The following NR3C2 variants were observed in gnomAD, a reference collection of about 807,000 sequenced individuals.
The protein encoded by NR3C2 is nuclear receptor subfamily 3 group C member 2, also known as mineralocorticoid receptor.
Under a neutral mutation model 86.4 loss-of-function variants are expected in NR3C2, and 15 were observed. The ratio of observed to expected loss-of-function variants is 0.17; its 90% CI spans 0.12 to 0.27. NR3C2 has a LOEUF of 0.27. Ranked by LOEUF, NR3C2 falls within the 10% of genes least tolerant of loss-of-function variation. The pLI is 1.00. For missense variants in NR3C2, 960 were observed against 1,195.6 expected (o/e 0.80, Z 2.91); for synonymous variants, 458 against 450.5 (o/e 1.02, Z -0.21).
rs1553998173 is a variant in NR3C2, at chr4:148,221,909, A to AAG, written c.1898-27048_1898-27047insCT. ...ACTCTGTCTTAAAAAAAAAAAAAAA[A>AAG]AAAGAAAAAGTGCTACAATCTCAAT... is the stretch of plus-strand genomic sequence containing the variant. On this transcript the variant is annotated intron_variant, in intron 3 of 8. Coordinates refer to ENST00000358102, the MANE Select transcript of NR3C2 (RefSeq NM_000901.5). 8.6e-5 allele frequency among the ~76,000 whole-genome samples: 13 copies of AAG among 151,394 alleles called. No individual in the cohort carries two copies. In the East Asian group the frequency reaches 2.3e-3, roughly 27 times the overall value.
chr4:148,182,361 C>T (rs1252758001), intron 4 of NR3C2, among the ~76,000 whole-genome samples: 1 of 152,080 alleles, frequency 6.6e-6, no homozygotes, highest in East Asian at 1.9e-4. Flanking sequence ...AAAAAAATTA[C>T]AATGTACACA....
rs548924092 is a variant in NR3C2 at position 148,344,738 on chromosome 4, A to G, written c.1758-84621T>C. 8.5e-5 allele frequency among the ~76,000 whole-genome samples: 13 copies of G among 152,286 alleles called. No homozygotes were observed. In the South Asian group the frequency reaches 2.7e-3, roughly 32 times the overall value. Reference sequence around the variant, plus strand: ...GTTTTAGACATTCTAAAAATCAGACAATTACGTATGAATTATCTTGAGAAA... The same window carrying G: ...GTTTTAGACATTCTAAAAATCAGACGATTACGTATGAATTATCTTGAGAAA... On this transcript the variant is annotated intron_variant, in intron 2 of 8. Coordinates refer to ENST00000358102, the MANE Select transcript of NR3C2 (RefSeq NM_000901.5).
At chr4:148,438,937 A>G (rs745356927) in intron 1 of NR3C2, among the ~76,000 whole-genome samples, 8 of 152,246 alleles carry the variant, frequency 5.3e-5, no homozygotes, top group Non-Finnish European at 1.2e-4. Flanking sequence ...AAATCTACCA[A>G]TTATGTAGTA....
chr4:148,171,266 C>T (rs528744447), intron 4 of NR3C2, among the ~76,000 whole-genome samples: 3 of 152,314 alleles, frequency 2.0e-5, no homozygotes, highest in African/African-American at 7.2e-5. Flanking sequence ...TTCCCTATTC[C>T]ATGCCAATTT....
chr4:148,172,601 G>A (rs544449613), intron 4 of NR3C2, among the ~76,000 whole-genome samples: 137 of 152,230 alleles, frequency 9.0e-4, no homozygotes, highest in Non-Finnish European at 1.7e-3. Flanking sequence ...TAACTGTAGA[G>A]CCAAACCTTG....
At chr4:148,115,591 G>A (rs573199850) in intron 7 of NR3C2, among the ~76,000 whole-genome samples, 3 of 152,270 alleles carry the variant, frequency 2.0e-5, no homozygotes, top group Middle Eastern at 3.4e-3. Flanking sequence ...ATGGTGCTGA[G>A]TATTGTGTGC....
At chr4:148,083,234 C>T (rs1730661158) in intron 8 of NR3C2, among the ~76,000 whole-genome samples, 2 of 152,196 alleles carry the variant, frequency 1.3e-5, no homozygotes, top group Non-Finnish European at 2.9e-5. Flanking sequence ...TGCTAAGGGA[C>T]GGACTGCCTC....
chr4:148,267,552 T>A (rs537588045), intron 2 of NR3C2, among the ~76,000 whole-genome samples: 4 of 152,304 alleles, frequency 2.6e-5, no homozygotes, highest in Admixed American at 2.6e-4. Flanking sequence ...TTTAAAAAAA[T>A]AATTTAAAAT....
chr4:148,110,755 T>C (rs1732012301), intron 8 of NR3C2, among the ~76,000 whole-genome samples: 1 of 152,216 alleles, frequency 6.6e-6, no homozygotes, highest in African/African-American at 2.4e-5. Context: ...AAAGAAGTGG[T>C]ATTCTTCTTC....
chr4:148,254,005 G>A (rs1275793893), intron 3 of NR3C2, among the ~76,000 whole-genome samples: 1 of 151,990 alleles, frequency 6.6e-6, no homozygotes, highest in Non-Finnish European at 1.5e-5. Context: ...CCAAGCCTGG[G>A]GAGTCATCCT....
chr4:148,306,811 A>G (rs1292383317), intron 2 of NR3C2, among the ~76,000 whole-genome samples: 1 of 152,248 alleles, frequency 6.6e-6, no homozygotes, highest in Non-Finnish European at 1.5e-5. Context: ...AACATTAAAA[A>G]TAGATTATAG....
At chr4:148,402,162 C>T (rs1198313634) in intron 2 of NR3C2, among the ~76,000 whole-genome samples, 2 of 152,130 alleles carry the variant, frequency 1.3e-5, no homozygotes, top group Admixed American at 6.6e-5. Flanking sequence ...TGTTATATTA[C>T]AGTAACAAGC....
upstream of NR3C2, chr4:148,444,828 C>T: frequency 3.0e-6 from 3 of 985,010 alleles, no homozygotes; most frequent in Non-Finnish European, 3.6e-6. Flanking sequence ...GCTGCGCGTC[C>T]GCTCGGCGTT....
chr4:148,109,513 G>C (rs889750151), intron 8 of NR3C2, among the ~76,000 whole-genome samples: 13 of 152,212 alleles, frequency 8.5e-5, no homozygotes, highest in African/African-American at 2.9e-4. Flanking sequence ...ATGCTCTCAA[G>C]GGTCCCACCA....
At chr4:148,244,160 C>T (rs904474514) in intron 3 of NR3C2, among the ~76,000 whole-genome samples, 5 of 152,128 alleles carry the variant, frequency 3.3e-5, no homozygotes, top group Non-Finnish European at 7.3e-5. Flanking sequence ...TTGTTTAAAA[C>T]GCCAGTAACA....
At chr4:148,321,110 C>T (rs1218389615) in intron 2 of NR3C2, among the ~76,000 whole-genome samples, 2 of 149,746 alleles carry the variant, frequency 1.3e-5, no homozygotes, top group Admixed American at 6.8e-5. Flanking sequence ...AGAACATCTT[C>T]ATTTCTGCCT....
At chr4:148,185,021 G>C (rs1010457951) in intron 4 of NR3C2, among the ~76,000 whole-genome samples, 5 of 152,270 alleles carry the variant, frequency 3.3e-5, no homozygotes, top group Non-Finnish European at 7.4e-5. Flanking sequence ...GATAAAATGA[G>C]ATAATGTGTG....
intron 4 of NR3C2, among the ~76,000 whole-genome samples, 155 bp downstream of exon 4, chr4:148,194,591 C>T (rs1170031544): frequency 6.6e-6 from 1 of 152,170 alleles, no homozygotes; most frequent in African/African-American, 2.4e-5. Flanking sequence ...AAATATTTCT[C>T]TTCTAAAATG....
intron 2 of NR3C2, among the ~76,000 whole-genome samples, chr4:148,392,972 A>C (rs1429679293): frequency 6.6e-6 from 1 of 152,160 alleles, no homozygotes; most frequent in Non-Finnish European, 1.5e-5. Context: ...GGTGCTGGTA[A>C]AAGGATCATT....
Sources: gnomAD v4.1 joint callset for allele counts (sites outside exome capture counted in the v4.1 genomes callset) on GRCh38, gnomAD v4.1.1 for gene constraint, MANE v1.5 for transcripts, NCBI Gene and HGNC (gene_info 2026-07-23, HGNC 2026-07-21) for gene names.